STAU2: variants seen among roughly 807,000 people sequenced by gnomAD.
The protein encoded by STAU2 is staufen double-stranded RNA binding protein 2.
A neutral mutation model predicts 65.9 loss-of-function variants in STAU2; 20 were observed. That is an observed-to-expected ratio of 0.30 (90% CI 0.21 to 0.44). The LOEUF (loss-of-function observed/expected upper bound fraction) is 0.44. Ranked by LOEUF, STAU2 falls within the 20% of genes least tolerant of loss-of-function variation. The pLI is 1.00. For missense variants in STAU2, 558 were observed against 683.9 expected, an observed-to-expected ratio of 0.82 and a Z score of 2.05; for synonymous variants, 232 against 233.9, an observed-to-expected ratio of 0.99 and a Z score of 0.07.
Position 73,463,691 on chromosome 8 carries a change from G to T in STAU2, c.1531-40989C>A, listed in dbSNP as rs190099617. On this transcript the variant is annotated intron_variant, in intron 13 of 14. Coordinates refer to ENST00000524300, the MANE Select transcript of STAU2 (RefSeq NM_001164380.2). ...TATATGTACTTCATTTGGGGAGGAG[G>T]CTTTCAAACAGGAAATTTCCTCTGT... is the stretch of plus-strand genomic sequence containing the variant. 3.0e-3 allele frequency among the ~76,000 whole-genome samples: 461 copies of T among 152,284 alleles called. 3 individuals carry two copies. Among genetic ancestry groups the T allele is most frequent in the Middle Eastern group, 0.01 (3 of 294 alleles).
intron 13 of STAU2, among the ~76,000 whole-genome samples, chr8:73,442,528 T>C (rs1276432426): frequency 3.3e-5 from 5 of 152,182 alleles, no homozygotes; most frequent in Non-Finnish European, 7.3e-5. Context: ...GTGGTCTCCC[T>C]TACCTACCTC....
intron 14 of STAU2, among the ~76,000 whole-genome samples, chr8:73,421,947 C>T (rs1336015282): frequency 7.3e-6 from 1 of 137,072 alleles, no homozygotes; most frequent in African/African-American, 2.8e-5. Flanking sequence ...ATAAATATAA[C>T]CCCTTTCCAT....
At chr8:73,437,909 C>T (rs745917845) in intron 13 of STAU2, among the ~76,000 whole-genome samples, 3 of 152,164 alleles carry the variant, frequency 2.0e-5, no homozygotes, top group Non-Finnish European at 2.9e-5. Flanking sequence ...CCTCCCCTGC[C>T]CTTGGAAGGC....
chr8:73,639,995 C>T (rs1814835117), intron 6 of STAU2, among the ~76,000 whole-genome samples: 1 of 151,960 alleles, frequency 6.6e-6, no homozygotes, highest in African/African-American at 2.4e-5. Context: ...TTCCTCGGGC[C>T]AACTAAATCC....
chr8:73,529,607 G>A lies in STAU2; in HGVS notation c.1530+22405C>T, dbSNP rs572049141. Among the ~76,000 whole-genome samples the A allele has an allele frequency of 3.0e-4, 46 of 152,172 alleles. 1 individual carries two copies. In the South Asian group the frequency reaches 7.3e-3, roughly 24 times the overall value. ...GTCAAAAAAATAAACTTTAAACTTC[G>A]TTTCCATCAGTGACTCAGATACCAT... On this transcript the variant is annotated intron_variant, in intron 13 of 14. Transcript: ENST00000524300.
chr8:73,426,066 T>C (rs1217242627), intron 13 of STAU2, among the ~76,000 whole-genome samples: 2 of 152,170 alleles, frequency 1.3e-5, no homozygotes, highest in Non-Finnish European at 2.9e-5. Context: ...GTATTGGGAT[T>C]ACAGGCATGC....
At chr8:73,477,991 C>T (rs921030418) in intron 13 of STAU2, among the ~76,000 whole-genome samples, 17 of 151,590 alleles carry the variant, frequency 1.1e-4, no homozygotes, top group Admixed American at 4.0e-4. Context: ...TGTCTATTGT[C>T]TGACACACTG....
intron 13 of STAU2, among the ~76,000 whole-genome samples, chr8:73,456,216 G>A (rs1004025577): frequency 3.3e-5 from 5 of 152,192 alleles, no homozygotes; most frequent in Non-Finnish European, 5.9e-5. Context: ...TAAATGTGCC[G>A]CAGGAGATTA....
chr8:73,597,991 T>C (rs945433092), intron 10 of STAU2, among the ~76,000 whole-genome samples: 2 of 152,148 alleles, frequency 1.3e-5, no homozygotes, highest in African/African-American at 4.8e-5. Context: ...CTCATTTTGA[T>C]TCCAAATCCC....
At chr8:73,460,043 A>T (rs1295197566) in intron 13 of STAU2, among the ~76,000 whole-genome samples, 2 of 152,136 alleles carry the variant, frequency 1.3e-5, no homozygotes, top group Non-Finnish European at 2.9e-5. Context: ...AGGTCAGCAC[A>T]TCTCACTTCA....
intron 11 of STAU2, among the ~76,000 whole-genome samples, chr8:73,584,681 A>G (rs1810237576): frequency 6.6e-6 from 1 of 152,194 alleles, no homozygotes; most frequent in Admixed American, 6.5e-5. Context: ...AAAAAGTTAC[A>G]GATTAAGTAA....
intron 13 of STAU2, among the ~76,000 whole-genome samples, chr8:73,502,012 T>C (rs1465636230): frequency 6.6e-6 from 1 of 151,956 alleles, no homozygotes; most frequent in Non-Finnish European, 1.5e-5. Flanking sequence ...TTAGGGCTCC[T>C]TCTGCTGATA....
chr8:73,677,414 T>C (rs941372694), intron 5 of STAU2, among the ~76,000 whole-genome samples: 3 of 152,190 alleles, frequency 2.0e-5, no homozygotes, highest in Admixed American at 2.0e-4. Flanking sequence ...TTATTTCTAA[T>C]AGCTCAAAAC....
At chr8:73,426,859 A>T (rs1816859568) in intron 13 of STAU2, among the ~76,000 whole-genome samples, 1 of 152,036 alleles carries the variant, frequency 6.6e-6, no homozygotes, top group African/African-American at 2.4e-5. Context: ...GCATCATCTC[A>T]ATACTTTCCT....
rs149775883 is a variant in STAU2 at position 73,582,677 on chromosome 8, C to G, written c.1222+93G>C. On this transcript the variant is annotated intron_variant, in intron 12 of 14. Transcript: ENST00000524300. ...CTCCAAAATACTTAACACAGCCTCTCAGACCCAGACAGACCCAACCAATCC... is the reference window on the plus strand; with the variant it reads ...CTCCAAAATACTTAACACAGCCTCTGAGACCCAGACAGACCCAACCAATCC... 913 of 1,170,250 alleles carry G rather than the reference C, an allele frequency of 7.8e-4. 5 individuals are homozygous for G. In the African/African-American group the frequency reaches 0.012, roughly 16 times the overall value. 72.5% of individuals were successfully genotyped at this position (1,170,250 alleles called of 1,614,324 possible).
chr8:73,712,490 A>C (rs1340168490), intron 3 of STAU2, among the ~76,000 whole-genome samples: 1 of 152,248 alleles, frequency 6.6e-6, no homozygotes, highest in Non-Finnish European at 1.5e-5. Context: ...AACACTGTTA[A>C]CAATGATTAA....
At chr8:73,691,702 T>C (rs1390993714) in intron 4 of STAU2, among the ~76,000 whole-genome samples, 1 of 152,102 alleles carries the variant, frequency 6.6e-6, no homozygotes, top group Non-Finnish European at 1.5e-5. Context: ...CTGTGGTATA[T>C]AAGAAATATG....
chr8:73,725,357 C>G lies in STAU2; in HGVS notation c.-18+12927G>C, dbSNP rs534883417. ...ACACAGCCTACCTTCAAATATCATTCCACTTCATGTTTGATATCAGCACCT... is the reference window on the plus strand; with the variant it reads ...ACACAGCCTACCTTCAAATATCATTGCACTTCATGTTTGATATCAGCACCT... On this transcript the variant is annotated intron_variant, in intron 3 of 14. Coordinates refer to ENST00000524300, the MANE Select transcript of STAU2 (RefSeq NM_001164380.2). Among the ~76,000 whole-genome samples the G allele has an allele frequency of 9.2e-5, 14 of 152,320 alleles. No homozygotes were observed. The East Asian group carries it at 2.5e-3, about 27-fold the overall frequency.
chr8:73,499,572 G>T (rs1821622657), intron 13 of STAU2, among the ~76,000 whole-genome samples: 1 of 151,858 alleles, frequency 6.6e-6, no homozygotes, highest in Non-Finnish European at 1.5e-5. Flanking sequence ...GGACAAGGGT[G>T]ACTGTGGCCA....
Sources: allele counts gnomAD v4.1 joint callset (sites outside exome capture counted in the v4.1 genomes callset), GRCh38; gene constraint gnomAD v4.1.1; transcripts MANE v1.5; gene names NCBI Gene and HGNC (gene_info 2026-07-23, HGNC 2026-07-21).